CAPN10: variants seen among roughly 807,000 people sequenced by gnomAD.
CAPN10 encodes calpain-10.
A neutral mutation model predicts 78.4 loss-of-function variants in CAPN10; 71 were observed. The ratio of observed to expected loss-of-function variants is 0.91; its 90% CI spans 0.75 to 1.10. The LOEUF is 1.10. CAPN10 is among the 50% of genes least tolerant of loss of function. CAPN10 has a pLI of 0.00. For missense variants in CAPN10, 849 were observed against 924.6 expected (o/e 0.92, Z 1.06); for synonymous variants, 437 against 407.2 (o/e 1.07, Z -0.88).
In CAPN10 at chr2:240,586,953, C is replaced by T. The variant is rs1340710587; in HGVS notation, c.42C>T (p.Phe14=). 2 of 1,478,840 alleles carry T rather than the reference C, an allele frequency of 1.4e-6. No homozygotes were observed. Among genetic ancestry groups the T allele is most frequent in the South Asian group, 1.3e-5 (1 of 77,638 alleles). The allele number at this position is 1,478,840 out of a possible 1,614,324, so 91.6% of individuals were successfully genotyped here. A position where few individuals can be genotyped will look rare whatever the true frequency, so the allele number is the denominator to read the frequency against. ...GCGCGACGCCGGCGAGGGAGCTGTT[C>T]CGGGACGCCGCCTTCCCCGCCGCGG... ...GRGATPAREL[F]RDAAFPAADS... Residue 14 remains phenylalanine (F), a synonymous_variant, in exon 1 of 12, where the codon TTC becomes TTT. Transcript: ENST00000391984.
At position 240,593,932 on chromosome 2, in the gene CAPN10, GC is replaced by G; in HGVS notation, c.717del (p.Phe240SerfsTer45). ...TGCCCGGGAGCTGGGGGAGTTCCATGCCTTCATTGTCTCGGACCTGCGGGAG... is the reference window on the plus strand; with the variant it reads ...TGCCCGGGAGCTGGGGGAGTTCCATGCTTCATTGTCTCGGACCTGCGGGAG... The part of the protein sequence containing the change: ...AGARELGEFH[A>X]FIVSDLRELQ... On this transcript the variant is annotated frameshift_variant, in exon 5 of 12. Transcript: ENST00000391984. LOFTEE classifies it high-confidence loss of function. 6.2e-7 allele frequency: 1 copy of G among 1,606,282 alleles called. No homozygotes were observed. The highest frequency in any genetic ancestry group is 8.5e-7 in the Non-Finnish European group (1 of 1,174,480).
Position 240,586,763 on chromosome 2 carries a change from C to G in CAPN10, c.-149C>G. ...TAGCGGGCCGGCGTACTGGCCTGGT[C>G]CAGCACCTGCGGGGCCCTCGGGCTT... is the stretch of plus-strand genomic sequence containing the variant. On this transcript the variant is annotated 5_prime_UTR_variant, in exon 1 of 12. Coordinates refer to ENST00000391984, the MANE Select transcript of CAPN10 (RefSeq NM_023083.4). 1.4e-6 allele frequency: 1 copy of G among 712,506 alleles called. No homozygotes were observed. The highest frequency in any genetic ancestry group is 2.0e-6 in the Non-Finnish European group (1 of 504,092). The allele number at this position is 712,506 out of a possible 1,614,324, so 44.1% of individuals were successfully genotyped here.
intron 6 of CAPN10, 37 bp downstream of exon 6, chr2:240,594,746 G>A (rs17846975): frequency 0.16 from 251,074 of 1,588,060 alleles, 21,094 homozygotes; most frequent in South Asian, 0.19. Flanking sequence ...CACGTGCTCT[G>A]CCTGCCGAAG....
rs749609775 is a variant in CAPN10, at chr2:240,594,690, C to T, written c.978C>T (p.His326=). 19 of 1,612,718 alleles carry T rather than the reference C, an allele frequency of 1.2e-5. No homozygotes were observed. The Admixed American group carries it at 2.8e-4, about 24-fold the overall frequency. ...TVGYPVTEAG[H]LQSLYTERLL... is the part of the protein sequence containing the mutation. ...GCTACCCGGTCACGGAGGCCGGCCA[C>T]CTGCAGAGCCTCTACACAGGTAGTG... Residue 326 remains histidine, a synonymous_variant, in exon 6 of 12, where the codon CAC becomes CAT. Transcript: ENST00000391984.
intron 9 of CAPN10, 48 bp from the exon 10 acceptor site, chr2:240,597,840 C>T (rs1157248555): frequency 1.3e-6 from 2 of 1,516,626 alleles, no homozygotes; most frequent in Non-Finnish European, 1.8e-6. Context: ...GGGCTGGGCT[C>T]CCTACCCCAA....
rs540311894 is a variant in CAPN10, at chr2:240,597,105, C to T, written c.1743+163C>T. ...ACCCGCACAGGGCCCTCTCCCATCT[C>T]CAACCTCTCAGAGGCAAGGCCGAAG... On this transcript the variant is annotated intron_variant, in intron 9 of 11. Transcript: ENST00000391984. Among the ~76,000 whole-genome samples, 14 of 152,384 alleles carry T rather than the reference C, an allele frequency of 9.2e-5. No individual in the cohort carries two copies. In the South Asian group the frequency reaches 2.7e-3, roughly 29 times the overall value.
chr2:240,589,336 A>G lies in CAPN10; in HGVS notation c.142-7A>G, dbSNP rs1191791352. The G allele has an allele frequency of 5.0e-6, 8 of 1,614,144 alleles. No individual in the cohort carries two copies. The highest frequency in any genetic ancestry group is 6.8e-6 in the Non-Finnish European group (8 of 1,180,020). On this transcript the variant is annotated splice_region_variant and splice_polypyrimidine_tract_variant and intron_variant, in intron 1 of 11. Transcript: ENST00000391984. Reference sequence around the variant, plus strand: ...GATCTAACTCTGGACAACTTTCTGTATCTCAGGAGATTTGTGCCACACCCC... The same window carrying G: ...GATCTAACTCTGGACAACTTTCTGTGTCTCAGGAGATTTGTGCCACACCCC...
chr2:240,597,757 C>T (rs1334233100), intron 9 of CAPN10, 131 bp from the exon 10 acceptor site: 2 of 822,606 alleles, frequency 2.4e-6, no homozygotes, highest in Non-Finnish European at 1.9e-6. Context: ...AGTGTCCAGG[C>T]CTGGCAGCCC....
chr2:240,587,373 C>T (rs2093075221), intron 1 of CAPN10, among the ~76,000 whole-genome samples: 1 of 152,222 alleles, frequency 6.6e-6, no homozygotes, highest in African/African-American at 2.4e-5. Flanking sequence ...TTGCTTTCGC[C>T]CTGAAGAGCG....
At chr2:240,594,395 T>G in intron 5 of CAPN10, 148 bp from the exon 6 acceptor site, 1 of 777,714 alleles carries the variant, frequency 1.3e-6, no homozygotes, top group Non-Finnish European at 2.1e-6. Context: ...CTGCTTCGGG[T>G]GTGGGAGGGG....
chr2:240,586,770 C>G lies in CAPN10; in HGVS notation c.-142C>G, dbSNP rs1255476174. On this transcript the variant is annotated 5_prime_UTR_variant, in exon 1 of 12. Coordinates refer to ENST00000391984, the MANE Select transcript of CAPN10 (RefSeq NM_023083.4). ...CCGGCGTACTGGCCTGGTCCAGCAC[C>G]TGCGGGGCCCTCGGGCTTGGAGGGC... 2 of 785,610 alleles carry G rather than the reference C, an allele frequency of 2.5e-6. No homozygotes were observed. The highest frequency in any genetic ancestry group is 3.5e-6 in the Non-Finnish European group (2 of 570,026). 48.7% of individuals were successfully genotyped at this position (785,610 alleles called of 1,614,324 possible). A position where few individuals can be genotyped will look rare whatever the true frequency, so the allele number is the denominator to read the frequency against.
chr2:240,594,965 T>A, intron 6 of CAPN10, 59 bp from the exon 7 acceptor site: 1 of 1,577,508 alleles, frequency 6.3e-7, no homozygotes, highest in Non-Finnish European at 8.7e-7. Flanking sequence ...GAGGCCACCA[T>A]GGCGGGAGGC....
chr2:240,594,875 G>C, intron 6 of CAPN10, 149 bp from the exon 7 acceptor site: 6 of 1,128,780 alleles, frequency 5.3e-6, no homozygotes, highest in South Asian at 4.5e-5. Context: ...TGTCCCAGGA[G>C]CTGGGAGGAG....
At chr2:240,592,413 C>T (rs2093108455) in intron 4 of CAPN10, 3 of 693,936 alleles carry the variant, frequency 4.3e-6, no homozygotes, top group Admixed American at 4.1e-5. Context: ...AGTCAAAGCC[C>T]ACTGTCTGTG....
chr2:240,594,646 T>C lies in CAPN10; in HGVS notation c.934T>C (p.Phe312Leu). ...WVEEEEFLRE[F>L]DELTVGYPVT... ...GGAGGAGGAGGAGTTCCTCAGGGAGTTTGACGAGCTCACCGTTGGCTACCC... is the reference window on the plus strand; with the variant it reads ...GGAGGAGGAGGAGTTCCTCAGGGAGCTTGACGAGCTCACCGTTGGCTACCC... The change falls in exon 6 of 12, where the codon TTT becomes CTT. Residue 312 changes from phenylalanine to leucine, a missense_variant. Coordinates refer to ENST00000391984, the MANE Select transcript of CAPN10 (RefSeq NM_023083.4). 6.2e-7 allele frequency: 1 copy of C among 1,613,642 alleles called. No homozygotes were observed. Among genetic ancestry groups the C allele is most frequent in the Non-Finnish European group, 8.5e-7 (1 of 1,179,916 alleles).
Position 240,599,011 on chromosome 2 carries a change from G to A in CAPN10, c.*331G>A. ...TCCATATGGAGGCCTCACACCCAGA[G>A]GGTAGGGCAGCAGATCTTCTTTATA... On this transcript the variant is annotated 3_prime_UTR_variant, in exon 12 of 12. Transcript: ENST00000391984. 1 of 452,810 alleles carries A rather than the reference G, an allele frequency of 2.2e-6. No homozygotes were observed. Among genetic ancestry groups the A allele is most frequent in the Non-Finnish European group, 4.0e-6 (1 of 252,222 alleles). 28.0% of individuals were successfully genotyped at this position (452,810 alleles called of 1,614,324 possible).
At chr2:240,592,432 G>A in intron 4 of CAPN10, 1 of 683,986 alleles carries the variant, frequency 1.5e-6, no homozygotes, top group Non-Finnish European at 2.7e-6. Context: ...TGCCATCCCT[G>A]GCCCAGCTGG....
rs776848131 is a variant in CAPN10 at position 240,595,048 on chromosome 2, C to T, written c.1022C>T (p.Ala341Val). 23 of 1,613,056 alleles carry T rather than the reference C, an allele frequency of 1.4e-5. No individual in the cohort carries two copies. In the Admixed American group the frequency reaches 1.7e-4, roughly 12 times the overall value. The change falls in exon 7 of 12, where the codon GCG (alanine) becomes GTG (valine). Residue 341 changes from alanine to valine, a missense_variant. Coordinates refer to ENST00000391984, the MANE Select transcript of CAPN10 (RefSeq NM_023083.4). Reference protein sequence around the residue: ...YTERLLCHTRALPGAWVKGQS... With the variant: ...YTERLLCHTRVLPGAWVKGQS... ...GAGAGGCTGCTCTGCCATACGCGGGCGCTGCCTGGGGCCTGGGTCAAGGGC... is the reference window on the plus strand; with the variant it reads ...GAGAGGCTGCTCTGCCATACGCGGGTGCTGCCTGGGGCCTGGGTCAAGGGC...
chr2:240,594,968 CGGG>C, intron 6 of CAPN10, 53 bp from the exon 7 acceptor site: 1 of 1,579,392 alleles, frequency 6.3e-7, no homozygotes, highest in Non-Finnish European at 8.6e-7. Context: ...GCCACCATGG[CGGG>C]AGGCCAGCGA....
Sources: gnomAD v4.1 joint callset for allele counts (sites outside exome capture counted in the v4.1 genomes callset) on GRCh38, gnomAD v4.1.1 for gene constraint, MANE v1.5 for transcripts, NCBI Gene and HGNC (gene_info 2026-07-23, HGNC 2026-07-21) for gene names.